Variants in DOCK11 observed in about 807,000 individuals in gnomAD.
The protein encoded by DOCK11 is dedicator of cytokinesis 11.
In DOCK11, 70 loss-of-function variants were observed where a neutral mutation model predicts 169.1. The observed-to-expected ratio is 0.41, with a 90% CI of 0.34 to 0.51. The LOEUF is 0.51. Among genes scored for constraint, DOCK11 ranks in the 20% least tolerant of loss-of-function variants. The pLI is 0.10. For missense variants in DOCK11, 1,166 were observed against 1,538.8 expected (o/e 0.76, Z 4.05); for synonymous variants, 529 against 541.3 (o/e 0.98, Z 0.32).
chrX:118,573,266 A>G (rs1020667216), intron 11 of DOCK11, among the ~76,000 whole-genome samples: 2 of 112,900 alleles, frequency 1.8e-5, no homozygotes, highest in Non-Finnish European at 3.7e-5. Flanking sequence ...GCCATCTGGC[A>G]TGAAATTTCT....
chrX:118,652,356 T>C (rs566297616), intron 42 of DOCK11, among the ~76,000 whole-genome samples: 6 of 111,605 alleles, frequency 5.4e-5, no homozygotes, highest in South Asian at 3.7e-4. Flanking sequence ...TTTTTTTTTC[T>C]GGGCTTCATT....
chrX:118,645,819 C>T lies in DOCK11; in HGVS notation c.4398+2225C>T, dbSNP rs753047324. ...ATCCCAGCACTTTGGGAGGCTGAGG[C>T]GGGCAGATCACGAAGTCAGGAGTTC... On this transcript the variant is annotated intron_variant, in intron 40 of 52. Transcript: ENST00000276202. 2.9e-5 allele frequency among the ~76,000 whole-genome samples: 3 copies of T among 103,568 alleles called. No individual in the cohort carries two copies. In the South Asian group the frequency reaches 1.3e-3, roughly 46 times the overall value. 89.9% of individuals were successfully genotyped at this position (103,568 alleles called of 115,157 possible).
chrX:118,524,741 G>A (rs2011335368), intron 1 of DOCK11, among the ~76,000 whole-genome samples: 1 of 111,571 alleles, frequency 9.0e-6, no homozygotes, highest in Admixed American at 9.5e-5. Flanking sequence ...AAGTGTTGAG[G>A]AACACGGGCG....
At chrX:118,586,771 G>T (rs771564235) in intron 16 of DOCK11, among the ~76,000 whole-genome samples, 1 of 111,977 alleles carries the variant, frequency 8.9e-6, no homozygotes, top group East Asian at 2.8e-4. Context: ...GTGAGACCAA[G>T]CTGGGTTTGC....
At chrX:118,681,521 A>G (rs2147601214) in intron 50 of DOCK11, among the ~76,000 whole-genome samples, 173 bp from the exon 51 acceptor site, 1 of 112,822 alleles carries the variant, frequency 8.9e-6, no homozygotes, top group East Asian at 2.8e-4. Context: ...TCATCTTTGT[A>G]GATTATTTTC....
intron 31 of DOCK11, 78 bp downstream of exon 31, chrX:118,618,806 T>C: frequency 1.2e-6 from 1 of 852,094 alleles, no homozygotes; most frequent in Non-Finnish European, 1.6e-6. Flanking sequence ...GAAGTTTTTG[T>C]AGCAAGGAGC....
chrX:118,557,761 C>G (rs1280025446), intron 6 of DOCK11, among the ~76,000 whole-genome samples: 2 of 25,987 alleles, frequency 7.7e-5, no homozygotes, highest in Non-Finnish European at 1.2e-4. Context: ...GAGACTCTGT[C>G]TCAAAAAAAA....
chrX:118,497,467 T>C (rs1442045193), intron 1 of DOCK11, among the ~76,000 whole-genome samples: 4 of 112,402 alleles, frequency 3.6e-5, no homozygotes, highest in Non-Finnish European at 7.5e-5. Flanking sequence ...CTCTTTATTG[T>C]GGCTAGACCC....
chrX:118,593,248 A>G lies in DOCK11; in HGVS notation c.2174A>G (p.Lys725Arg). Residue 725 changes from lysine to arginine, a missense_variant, in exon 20 of 53, where the codon AAA (lysine) becomes AGA (arginine). Physicochemically the swap from Lys to Arg is conservative, Grantham distance 26. Coordinates refer to ENST00000276202, the MANE Select transcript of DOCK11 (RefSeq NM_144658.4). ...KIELPIHLHQ[K>R]HHLLFTFYHV... The stretch of plus-strand genomic sequence containing the variant: ...GAGCTTCCCATTCACCTACATCAAA[A>G]ACATCATTTGCTTTTCACTTTTTAT... 6.6e-6 allele frequency: 8 copies of G among 1,205,161 alleles called. No homozygotes were observed. The highest frequency in any genetic ancestry group is 9.0e-6 in the Non-Finnish European group (8 of 892,515).
intron 29 of DOCK11, among the ~76,000 whole-genome samples, chrX:118,615,292 C>G (rs1414595850): frequency 8.9e-6 from 1 of 112,094 alleles, no homozygotes; most frequent in Non-Finnish European, 1.9e-5. Flanking sequence ...GAAAGGAAAG[C>G]AAAGCAGGTG....
In DOCK11 at chrX:118,676,704, G is replaced by A. The variant is rs147745901; in HGVS notation, c.5427G>A (p.Thr1809=). 1.2e-4 allele frequency: 147 copies of A among 1,201,746 alleles called. No homozygotes were observed. Among genetic ancestry groups the A allele is most frequent in the African/African-American group, 8.8e-4 (50 of 56,995 alleles). Reference sequence around the variant, plus strand: ...AACTTTATGGTGAAAAGTTTGGTACGGAGAATGTCAAAATAATTCAGGATT... The same window carrying A: ...AACTTTATGGTGAAAAGTTTGGTACAGAGAATGTCAAAATAATTCAGGATT... ...LVKLYGEKFG[T]ENVKIIQDSD... is the part of the protein sequence containing the mutation. The change falls in exon 48 of 53, where the codon ACG becomes ACA. Residue 1809 remains threonine, a synonymous_variant. Coordinates refer to ENST00000276202, the MANE Select transcript of DOCK11 (RefSeq NM_144658.4).
chrX:118,513,289 G>A (rs138378445), intron 1 of DOCK11, among the ~76,000 whole-genome samples: 1,620 of 112,175 alleles, frequency 0.014, 35 homozygotes, highest in African/African-American at 0.05. Flanking sequence ...AATTCCAAAG[G>A]CCTGAGCTAG....
At chrX:118,567,432 AT>A (rs746150692) in intron 9 of DOCK11, among the ~76,000 whole-genome samples, 1,162 of 92,250 alleles carry the variant, frequency 0.013, 7 homozygotes, top group South Asian at 0.03. Context: ...CTAATCTAGG[AT>A]TTTTTTTTTT....
chrX:118,612,967 G>A (rs1435714386), intron 28 of DOCK11, among the ~76,000 whole-genome samples: 2 of 111,556 alleles, frequency 1.8e-5, no homozygotes, highest in African/African-American at 3.3e-5. Flanking sequence ...GAAGAGACTC[G>A]AGTCAGGGCA....
intron 36 of DOCK11, 140 bp downstream of exon 36, chrX:118,636,552 A>T: frequency 3.5e-6 from 1 of 285,606 alleles, no homozygotes; most frequent in Non-Finnish European, 6.3e-6. Context: ...AGAGCCTGAC[A>T]TAGAGGTTCT....
chrX:118,619,148 T>C (rs2014898952), intron 31 of DOCK11, among the ~76,000 whole-genome samples: 1 of 109,151 alleles, frequency 9.2e-6, no homozygotes, highest in Non-Finnish European at 1.9e-5. Flanking sequence ...CATGAGCCAC[T>C]GTACCTGGCC....
Position 118,685,973 on chromosome X carries a change from G to A in DOCK11, c.*166G>A. The stretch of plus-strand genomic sequence containing the variant: ...TTACATATTTGTAAATAAGCAACTT[G>A]AAAGTGCCTGGAAAATTGCACCACT... On this transcript the variant is annotated 3_prime_UTR_variant, in exon 53 of 53. Transcript: ENST00000276202. The A allele has an allele frequency of 1.7e-6, 1 of 595,244 alleles. No homozygotes were observed. Among genetic ancestry groups the A allele is most frequent in the Non-Finnish European group, 2.4e-6 (1 of 409,887 alleles). 49.1% of individuals were successfully genotyped at this position (595,244 alleles called of 1,213,427 possible).
intron 46 of DOCK11, among the ~76,000 whole-genome samples, 160 bp downstream of exon 46, chrX:118,671,305 A>G (rs944717817): frequency 8.0e-5 from 9 of 112,221 alleles, no homozygotes; most frequent in African/African-American, 2.9e-4. Context: ...AGTATAGTCT[A>G]TCATTTTGAC....
intron 23 of DOCK11, among the ~76,000 whole-genome samples, chrX:118,601,409 G>A (rs1351929978): frequency 3.7e-4 from 38 of 102,045 alleles, no homozygotes; most frequent in Non-Finnish European, 6.1e-4. Flanking sequence ...GGGCCACAGC[G>A]AGACCCTGTC....
Sources: gnomAD v4.1 joint callset for allele counts (sites outside exome capture counted in the v4.1 genomes callset) on GRCh38, gnomAD v4.1.1 for gene constraint, MANE v1.5 for transcripts, NCBI Gene and HGNC (gene_info 2026-07-23, HGNC 2026-07-21) for gene names.